FGF1: variants seen among roughly 807,000 people sequenced by gnomAD.
The protein encoded by FGF1 is beta-endothelial cell growth factor.
FGF1 carries 9 observed loss-of-function variants against 13.4 expected under a neutral mutation model. The observed-to-expected ratio is 0.67, with a 90% CI of 0.40 to 1.17. The LOEUF is 1.17. Ranked by LOEUF, FGF1 falls within the 50% of genes most tolerant of loss-of-function variation. FGF1 has a pLI of 0.01. For missense variants in FGF1, 156 were observed against 192.7 expected, an observed-to-expected ratio of 0.81 and a Z score of 1.13; for synonymous variants, 93 against 79.0, an observed-to-expected ratio of 1.18 and a Z score of -0.94.
intron 2 of FGF1, among the ~76,000 whole-genome samples, chr5:142,608,561 TATATATATATATATATATATATAC>T (rs1377266296): frequency 0.018 from 1,848 of 101,944 alleles, 75 homozygotes; most frequent in African/African-American, 0.071. Flanking sequence ...TATATATATA[TATATATATATATATATATATATAC>T]ACACACACAC....
intron 1 of FGF1, among the ~76,000 whole-genome samples, chr5:142,638,383 C>T (rs1430266166): frequency 2.0e-5 from 3 of 152,144 alleles, no homozygotes; most frequent in East Asian, 3.9e-4. Flanking sequence ...CCGGAGGCCT[C>T]GCACTAGTTA....
chr5:142,602,278 G>A lies in FGF1; in HGVS notation c.170-1473C>T, dbSNP rs558274096. On this transcript the variant is annotated intron_variant, in intron 2 of 3. Coordinates refer to ENST00000337706, the MANE Select transcript of FGF1 (RefSeq NM_000800.5). Reference sequence around the variant, plus strand: ...TGCAAGCTCTGCCTCCCGGGTTCAAGCAATTCTCCTGCCTCATCCTCCCCA... The same window carrying A: ...TGCAAGCTCTGCCTCCCGGGTTCAAACAATTCTCCTGCCTCATCCTCCCCA... 2.3e-4 allele frequency among the ~76,000 whole-genome samples: 35 copies of A among 152,060 alleles called. No individual in the cohort carries two copies. In the South Asian group the frequency reaches 6.4e-3, roughly 28 times the overall value.
intron 1 of FGF1, among the ~76,000 whole-genome samples, chr5:142,652,324 T>C (rs556516684): frequency 4.6e-5 from 7 of 152,346 alleles, no homozygotes; most frequent in African/African-American, 1.4e-4. Context: ...TCTTCTCTAA[T>C]GGCTGAGGAT....
chr5:142,672,798 C>G (rs1367917770), intron 1 of FGF1, among the ~76,000 whole-genome samples: 2 of 152,116 alleles, frequency 1.3e-5, no homozygotes. Flanking sequence ...AGCCACCGCC[C>G]CCTGCCTTCT....
chr5:142,665,418 A>G (rs1445787641), intron 1 of FGF1, among the ~76,000 whole-genome samples: 1 of 152,082 alleles, frequency 6.6e-6, no homozygotes, highest in Admixed American at 6.6e-5. Flanking sequence ...CCTTGGAAAA[A>G]GTACTGGCTC....
chr5:142,597,879 A>G (rs1755632809), intron 3 of FGF1, among the ~76,000 whole-genome samples: 2 of 152,186 alleles, frequency 1.3e-5, no homozygotes, highest in South Asian at 4.1e-4. Context: ...TAATGCATTT[A>G]ATTTGATTCT....
At chr5:142,606,729 C>T (rs1241215427) in intron 2 of FGF1, among the ~76,000 whole-genome samples, 1 of 152,076 alleles carries the variant, frequency 6.6e-6, no homozygotes, top group African/African-American at 2.4e-5. Context: ...CAAGTAGCTG[C>T]TTTGGGAAGG....
intron 1 of FGF1, among the ~76,000 whole-genome samples, chr5:142,663,572 A>G (rs1023455095): frequency 6.6e-6 from 1 of 152,178 alleles, no homozygotes; most frequent in Non-Finnish European, 1.5e-5. Context: ...AGGCAAGAAG[A>G]TACTCCGTGA....
At position 142,659,731 on chromosome 5, in the gene FGF1, C is replaced by T. The variant is rs976250463; in HGVS notation, c.-35+26226G>A. Among the ~76,000 whole-genome samples the T allele has an allele frequency of 4.6e-5, 7 of 152,316 alleles. No homozygotes were observed. The South Asian group carries it at 1.4e-3, about 32-fold the overall frequency. On this transcript the variant is annotated intron_variant, in intron 1 of 3. Transcript: ENST00000337706. ...TTGCTGGCGGGAGGATTCAGTGACA[C>T]ATGTGAAGAGTTAGCCCAGAGCCTG...
chr5:142,601,376 C>G (rs1756522024), intron 2 of FGF1, among the ~76,000 whole-genome samples: 1 of 152,148 alleles, frequency 6.6e-6, no homozygotes, highest in African/African-American at 2.4e-5. Flanking sequence ...GGAGTTAGGA[C>G]TGGTTGCCAC....
chr5:142,652,564 G>A (rs1443492458), intron 1 of FGF1, among the ~76,000 whole-genome samples: 1 of 152,170 alleles, frequency 6.6e-6, no homozygotes, highest in Non-Finnish European at 1.5e-5. Context: ...GAAACAGAAG[G>A]GCCCAGGAGC....
In FGF1 at chr5:142,657,217, C is replaced by T. The variant is rs184082351; in HGVS notation, c.-35+28740G>A. Among the ~76,000 whole-genome samples the T allele has an allele frequency of 3.4e-3, 516 of 152,244 alleles. 5 individuals carry two copies. Among genetic ancestry groups the T allele is most frequent in the African/African-American group, 0.012 (496 of 41,544 alleles). On this transcript the variant is annotated intron_variant, in intron 1 of 3. Transcript: ENST00000337706. ...CAGGTGTGAGCCACCGCACCCAGGCCTACTGCAGGTATTTTCTAATGTAAA... is the reference window on the plus strand; with the variant it reads ...CAGGTGTGAGCCACCGCACCCAGGCTTACTGCAGGTATTTTCTAATGTAAA...
At chr5:142,623,036 A>G (rs1761903901) in intron 1 of FGF1, among the ~76,000 whole-genome samples, 1 of 152,268 alleles carries the variant, frequency 6.6e-6, no homozygotes, top group Non-Finnish European at 1.5e-5. Flanking sequence ...AACCATTAAT[A>G]TCTTGAAATC....
chr5:142,642,021 T>C (rs17216995), intron 1 of FGF1, among the ~76,000 whole-genome samples: 14,640 of 152,262 alleles, frequency 0.096, 892 homozygotes, highest in African/African-American at 0.17. Flanking sequence ...ACCTCTCAAA[T>C]AGACACATAA....
chr5:142,678,122 G>A (rs2152043239), intron 1 of FGF1, among the ~76,000 whole-genome samples: 1 of 152,242 alleles, frequency 6.6e-6, no homozygotes, highest in East Asian at 1.9e-4. Flanking sequence ...ATGGGTTGGT[G>A]TGATGTCGGA....
Position 142,594,784 on chromosome 5 carries a change from G to T in FGF1, c.*506C>A, listed in dbSNP as rs568296284. The stretch of plus-strand genomic sequence containing the variant: ...TTAAATGCCTCTGTTCTGAAGGGGG[G>T]ATTTCTTTGTCCCTGTTTCTGGTCA... On this transcript the variant is annotated 3_prime_UTR_variant, in exon 4 of 4. Transcript: ENST00000337706. The T allele has an allele frequency of 6.5e-6, 1 of 152,676 alleles. No homozygotes were observed. Among genetic ancestry groups the T allele is most frequent in the African/African-American group, 2.4e-5 (1 of 41,538 alleles). 9.5% of individuals were successfully genotyped at this position (152,676 alleles called of 1,614,324 possible).
At chr5:142,595,523 G>A in intron 3 of FGF1, 39 bp from the exon 4 acceptor site, 2 of 1,561,846 alleles carry the variant, frequency 1.3e-6, no homozygotes, top group Non-Finnish European at 1.7e-6. Context: ...GACAATCAGT[G>A]AGTAGTTTCA....
chr5:142,618,929 GT>G (rs869093279), intron 1 of FGF1, among the ~76,000 whole-genome samples: 493 of 61,248 alleles, frequency 8.0e-3, no homozygotes, highest in Non-Finnish European at 0.011. Context: ...TAGTTGTTTT[GT>G]TTTTTTTTTT....
chr5:142,603,980 G>A (rs535673593), intron 2 of FGF1, among the ~76,000 whole-genome samples: 3 of 152,310 alleles, frequency 2.0e-5, no homozygotes, highest in Admixed American at 6.5e-5. Flanking sequence ...GATGAGTCTG[G>A]AAACAGTGCT....
Sources: gnomAD v4.1 joint callset for allele counts (sites outside exome capture counted in the v4.1 genomes callset) on GRCh38, gnomAD v4.1.1 for gene constraint, MANE v1.5 for transcripts, NCBI Gene and HGNC (gene_info 2026-07-23, HGNC 2026-07-21) for gene names.